The following DACH2 variants were observed in gnomAD, a reference collection of about 807,000 sequenced individuals.
DACH2 encodes the protein dachshund homolog 2.
DACH2 carries 17 observed loss-of-function variants against 35.8 expected under a neutral mutation model. That is an observed-to-expected ratio of 0.48 (90% CI 0.33 to 0.71). DACH2 has a LOEUF of 0.71. DACH2 is among the 30% of genes least tolerant of loss of function. DACH2 has a pLI of 0.02. For synonymous variants in DACH2, 195 were observed against 177.3 expected, an observed-to-expected ratio of 1.10 and a Z score of -0.79; for missense variants, 469 against 472.7, an observed-to-expected ratio of 0.99 and a Z score of 0.07.
chrX:86,420,647 C>T (rs1269195446), intron 2 of DACH2, among the ~76,000 whole-genome samples: 1 of 111,403 alleles, frequency 9.0e-6, no homozygotes, highest in African/African-American at 3.3e-5. Flanking sequence ...CTGTGTAACC[C>T]TTAATTATAT....
intron 2 of DACH2, among the ~76,000 whole-genome samples, chrX:86,482,450 G>T (rs1025255297): frequency 9.0e-6 from 1 of 111,238 alleles, no homozygotes; most frequent in African/African-American, 3.3e-5. Flanking sequence ...TGGACATTTG[G>T]GTTGGTTCCA....
intron 1 of DACH2, among the ~76,000 whole-genome samples, chrX:86,191,270 A>G (rs752988191): frequency 8.9e-6 from 1 of 112,263 alleles, no homozygotes; most frequent in South Asian, 3.7e-4. Context: ...AATGTGGTAT[A>G]TATACACCAT....
chrX:86,807,391 T>C (rs2042354866), intron 7 of DACH2, among the ~76,000 whole-genome samples: 1 of 111,564 alleles, frequency 9.0e-6, no homozygotes, highest in African/African-American at 3.3e-5. Context: ...GTTACTATTA[T>C]CCTAACTTTA....
At chrX:86,331,147 A>G (rs2035205832) in intron 1 of DACH2, among the ~76,000 whole-genome samples, 1 of 111,565 alleles carries the variant, frequency 9.0e-6, no homozygotes, top group Admixed American at 9.6e-5. Context: ...CCCACTCACC[A>G]TGGAGTTTGC....
At chrX:86,522,462 G>A (rs376158921) in intron 3 of DACH2, among the ~76,000 whole-genome samples, 9 of 110,906 alleles carry the variant, frequency 8.1e-5, no homozygotes, top group South Asian at 7.5e-4. Flanking sequence ...TGTAACTATC[G>A]ACATATATAC....
intron 1 of DACH2, among the ~76,000 whole-genome samples, chrX:86,174,442 C>G (rs1007240315): frequency 1.8e-5 from 2 of 110,340 alleles, no homozygotes; most frequent in Admixed American, 1.9e-4. Flanking sequence ...TTAAAAATCT[C>G]CCTATGTAGA....
chrX:86,731,585 A>G (rs2041533086), intron 6 of DACH2, among the ~76,000 whole-genome samples: 1 of 112,396 alleles, frequency 8.9e-6, no homozygotes, highest in Non-Finnish European at 1.9e-5. Context: ...TACCAGTTTA[A>G]TTTATACCAC....
At position 86,202,430 on chromosome X, in the gene DACH2, G is replaced by A. The variant is rs190627918; in HGVS notation, c.488+53322G>A. ...AAAGCTGTTCCTGAAGCATAGGTAG[G>A]ATATTTTTTCAGGCAAAGTTGGAAA... On this transcript the variant is annotated intron_variant, in intron 1 of 11. Coordinates refer to ENST00000373125, the MANE Select transcript of DACH2 (RefSeq NM_053281.3). 3.6e-5 allele frequency among the ~76,000 whole-genome samples: 4 copies of A among 111,694 alleles called. No individual in the cohort carries two copies. The Admixed American group carries it at 3.8e-4, about 11-fold the overall frequency.
intron 2 of DACH2, among the ~76,000 whole-genome samples, chrX:86,489,418 C>G (rs1237264127): frequency 6.3e-5 from 7 of 110,627 alleles, no homozygotes; most frequent in Non-Finnish European, 1.3e-4. Flanking sequence ...ATAACAATAT[C>G]ACATAATATG....
At chrX:86,631,653 T>A (rs1177858139) in intron 3 of DACH2, among the ~76,000 whole-genome samples, 3 of 112,202 alleles carry the variant, frequency 2.7e-5, no homozygotes, top group African/African-American at 6.5e-5. Flanking sequence ...TTTAGTTAAT[T>A]GTAAACCTCA....
At chrX:86,282,477 C>A (rs1230945201) in intron 1 of DACH2, among the ~76,000 whole-genome samples, 4 of 111,253 alleles carry the variant, frequency 3.6e-5, no homozygotes, top group Non-Finnish European at 5.6e-5. Flanking sequence ...TGGTCCCCTT[C>A]CTTACACCTT....
At chrX:86,739,602 T>G (rs1327002228) in intron 6 of DACH2, 145 bp from the exon 7 acceptor site, 2 of 526,755 alleles carry the variant, frequency 3.8e-6, no homozygotes, top group Non-Finnish European at 5.6e-6. Flanking sequence ...TATTTTTGTT[T>G]AAATATATGT....
intron 4 of DACH2, among the ~76,000 whole-genome samples, chrX:86,690,525 A>C (rs2040997220): frequency 9.0e-6 from 1 of 111,380 alleles, no homozygotes; most frequent in African/African-American, 3.3e-5. Context: ...CCCATGATTC[A>C]TAGGTCTCTG....
rs1008318069 is a variant in DACH2 at position 86,817,756 on chromosome X, C to G, written c.1750+1657C>G. On this transcript the variant is annotated intron_variant, in intron 11 of 11. Coordinates refer to ENST00000373125, the MANE Select transcript of DACH2 (RefSeq NM_053281.3). ...ATGTAACAAGTAGTGATATTTTATT[C>G]GTGGGCAATTAGGAGATATAAGCAA... is the stretch of plus-strand genomic sequence containing the variant. Among the ~76,000 whole-genome samples, 4 of 111,554 alleles carry G rather than the reference C, an allele frequency of 3.6e-5. 1 individual carries two copies. The highest frequency in any genetic ancestry group is 2.9e-4 in the Admixed American group (3 of 10,447).
At chrX:86,487,767 A>G (rs1255956466) in intron 2 of DACH2, among the ~76,000 whole-genome samples, 4 of 112,218 alleles carry the variant, frequency 3.6e-5, no homozygotes, top group Non-Finnish European at 1.9e-5. Flanking sequence ...CCAACAGCAT[A>G]TAAATTGGAA....
At chrX:86,502,428 C>A (rs1378863631) in intron 2 of DACH2, among the ~76,000 whole-genome samples, 4 of 111,732 alleles carry the variant, frequency 3.6e-5, no homozygotes, top group East Asian at 5.6e-4. Flanking sequence ...AACTTTAAAT[C>A]TTCAGTGGTT....
At chrX:86,553,271 C>T in intron 3 of DACH2, among the ~76,000 whole-genome samples, 1 of 111,394 alleles carries the variant, frequency 9.0e-6, no homozygotes, top group Non-Finnish European at 1.9e-5. Flanking sequence ...TGTTGAAGGG[C>T]AGGAAGCAAC....
At chrX:86,416,763 AAG>A (rs1196266424) in intron 2 of DACH2, among the ~76,000 whole-genome samples, 1 of 110,459 alleles carries the variant, frequency 9.1e-6, no homozygotes, top group Admixed American at 9.7e-5. Flanking sequence ...GAGAGGGAGC[AAG>A]AGAGAGAGGG....
chrX:86,163,319 A>G (rs1320931564), intron 1 of DACH2, among the ~76,000 whole-genome samples: 1 of 111,271 alleles, frequency 9.0e-6, no homozygotes, highest in Non-Finnish European at 1.9e-5. Context: ...CTGTGCCTGG[A>G]TTATTTCACT....
Sources: allele counts gnomAD v4.1 joint callset (sites outside exome capture counted in the v4.1 genomes callset), GRCh38; gene constraint gnomAD v4.1.1; transcripts MANE v1.5; gene names NCBI Gene and HGNC (gene_info 2026-07-23, HGNC 2026-07-21).